The following BEND2 variants were observed in gnomAD, a reference collection of about 807,000 sequenced individuals.
BEND2 encodes BEN domain containing 2.
A neutral mutation model predicts 43.8 loss-of-function variants in BEND2; 19 were observed. The observed-to-expected ratio is 0.43, with a 90% confidence interval of 0.30 to 0.64. The LOEUF (loss-of-function observed/expected upper bound fraction) is 0.64. Ranked by LOEUF, BEND2 falls within the 30% of genes least tolerant of loss-of-function variation. The probability of loss-of-function intolerance (pLI) is 0.11; values close to 1 mark genes in which losing one functional copy is unlikely to be tolerated. For synonymous variants in BEND2, 226 were observed against 210.1 expected (o/e 1.08, Z -0.66); for missense variants, 544 against 574.0 (o/e 0.95, Z 0.53).
intron 13 of BEND2, among the ~76,000 whole-genome samples, chrX:18,167,222 A>G (rs192425627): frequency 1.8e-5 from 2 of 109,155 alleles, no homozygotes; most frequent in African/African-American, 3.3e-5. Flanking sequence ...TCAAGGCTGC[A>G]TTGAGCTGTG....
Position 18,213,787 on chromosome X carries a change from C to T in BEND2, c.363G>A (p.Thr121=), listed in dbSNP as rs45563640. ...AAAAATAAATACCTGGGCATGGTGG[C>T]GTGCGCCTGTCATCCCAGCTACTGG... ...SLPSSWDDRR[T]PPCPVAHGDQ... is the part of the protein sequence containing the mutation. The change falls in exon 3 of 14, where the codon ACG becomes ACA. Residue 121 remains threonine, a synonymous_variant. Coordinates refer to ENST00000380033, the MANE Select transcript of BEND2 (RefSeq NM_153346.5). 22,402 of 163,364 alleles carry T rather than the reference C, an allele frequency of 0.14. 1,339 individuals carry two copies. The highest frequency in any genetic ancestry group is 0.33 in the East Asian group (1,272 of 3,897). The allele number at this position is 163,364 out of a possible 1,213,427, so 13.5% of individuals were successfully genotyped here.
At chrX:18,216,072 C>T (rs916187774) in intron 2 of BEND2, among the ~76,000 whole-genome samples, 2 of 111,216 alleles carry the variant, frequency 1.8e-5, no homozygotes, top group Non-Finnish European at 3.8e-5. Context: ...TGTATATTAA[C>T]CTGTTTCCTG....
At chrX:18,198,441 C>A (rs1925031197) in intron 6 of BEND2, among the ~76,000 whole-genome samples, 1 of 110,334 alleles carries the variant, frequency 9.1e-6, no homozygotes, top group Non-Finnish European at 1.9e-5. Context: ...AGCCAACAGA[C>A]AACATGAAAA....
intron 1 of BEND2, among the ~76,000 whole-genome samples, chrX:18,217,446 T>G (rs757564796): frequency 1.8e-5 from 2 of 112,319 alleles, no homozygotes; most frequent in East Asian, 5.6e-4. Flanking sequence ...TCAAATAGAC[T>G]AATGCAGGAG....
chrX:18,207,502 A>G (rs752962367), intron 4 of BEND2, among the ~76,000 whole-genome samples: 12 of 111,897 alleles, frequency 1.1e-4, no homozygotes, highest in South Asian at 7.5e-4. Flanking sequence ...ATTTCCTTTA[A>G]GGATTATTTT....
rs1317624987 is a variant in BEND2 at position 18,164,078 on chromosome X, A to T, written c.*931T>A. On this transcript the variant is annotated 3_prime_UTR_variant, in exon 14 of 14. Transcript: ENST00000380033. ...CACTCTGTCACCCAGGCTCGAGTGCAGTGGCACAATCTCGGCTCACTGCAG... is the reference window on the plus strand; with the variant it reads ...CACTCTGTCACCCAGGCTCGAGTGCTGTGGCACAATCTCGGCTCACTGCAG... 9.0e-6 allele frequency: 1 copy of T among 110,655 alleles called. No homozygotes were observed. The highest frequency in any genetic ancestry group is 1.9e-5 in the Non-Finnish European group (1 of 52,920). The allele number at this position is 110,655 out of a possible 1,213,427, so 9.1% of individuals were successfully genotyped here.
intron 8 of BEND2, among the ~76,000 whole-genome samples, chrX:18,187,046 T>C (rs1460882407): frequency 9.4e-6 from 1 of 106,645 alleles, no homozygotes; most frequent in East Asian, 2.9e-4. Flanking sequence ...AAAATTACCT[T>C]CACTAAAAGG....
chrX:18,169,820 C>A (rs940463249), intron 13 of BEND2, among the ~76,000 whole-genome samples: 100 of 111,769 alleles, frequency 8.9e-4, no homozygotes, highest in African/African-American at 2.7e-3. Context: ...TTGTTTACTG[C>A]AAAAGACATC....
chrX:18,182,795 C>T (rs1381844015), intron 8 of BEND2, among the ~76,000 whole-genome samples: 1 of 111,205 alleles, frequency 9.0e-6, no homozygotes, highest in Non-Finnish European at 1.9e-5. Context: ...AATCCCAGCA[C>T]TTTGGGAGGC....
At chrX:18,182,900 G>A (rs1924435856) in intron 8 of BEND2, among the ~76,000 whole-genome samples, 1 of 109,800 alleles carries the variant, frequency 9.1e-6, no homozygotes, top group Non-Finnish European at 1.9e-5. Context: ...AAATTAGCCA[G>A]GCGTGGTAGT....
At position 18,220,788 on chromosome X, in the gene BEND2, T is replaced by C. The variant is rs956797587; in HGVS notation, c.-38A>G. On this transcript the variant is annotated 5_prime_UTR_variant, in exon 1 of 14. Transcript: ENST00000380033. ...GGGTCTGGCTCTGAGGCCCGAGACC[T>C]GAGGCCCGAGACCTGAGGCCTACGT... is the stretch of plus-strand genomic sequence containing the variant. The C allele has an allele frequency of 8.4e-7, 1 of 1,191,866 alleles. No individual in the cohort carries two copies.
intron 7 of BEND2, among the ~76,000 whole-genome samples, chrX:18,191,681 G>A (rs1426467754): frequency 1.8e-5 from 2 of 111,737 alleles, no homozygotes; most frequent in Non-Finnish European, 3.8e-5. Context: ...CCATGGAATA[G>A]CACTCAGCAA....
At chrX:18,184,715 C>A (rs1437248776) in intron 8 of BEND2, among the ~76,000 whole-genome samples, 2 of 111,158 alleles carry the variant, frequency 1.8e-5, no homozygotes, top group Non-Finnish European at 3.8e-5. Flanking sequence ...GCCCAGACAG[C>A]AAAGACAACA....
Position 18,163,819 on chromosome X carries a change from TGTG to T in BEND2, c.*1187_*1189del, listed in dbSNP as rs1468135671. 8.9e-6 allele frequency: 1 copy of T among 111,937 alleles called. No homozygotes were observed. Among genetic ancestry groups the T allele is most frequent in the Non-Finnish European group, 1.9e-5 (1 of 53,212 alleles). 9.2% of individuals were successfully genotyped at this position (111,937 alleles called of 1,213,427 possible). ...AACTGCATGTATTTATGGGGTATGA[TGTG>T]GTATTTTGATCTATGTTTATAATGT... On this transcript the variant is annotated 3_prime_UTR_variant, in exon 14 of 14. Transcript: ENST00000380033.
intron 8 of BEND2, among the ~76,000 whole-genome samples, chrX:18,190,133 A>G (rs754705722): frequency 8.9e-6 from 1 of 111,803 alleles, no homozygotes; most frequent in Non-Finnish European, 1.9e-5. Context: ...TGGGAATGTA[A>G]AATGGCACAG....
intron 8 of BEND2, among the ~76,000 whole-genome samples, chrX:18,187,826 C>A (rs1924624705): frequency 8.9e-6 from 1 of 111,837 alleles, no homozygotes; most frequent in South Asian, 3.7e-4. Context: ...AGCATCTTCT[C>A]TGACTACAAT....
At chrX:18,215,499 T>C (rs922736291) in intron 2 of BEND2, among the ~76,000 whole-genome samples, 4 of 112,461 alleles carry the variant, frequency 3.6e-5, no homozygotes, top group African/African-American at 1.3e-4. Context: ...TGTTCTTGTA[T>C]AGCTCATAAG....
chrX:18,166,635 C>T (rs958058828), intron 13 of BEND2, among the ~76,000 whole-genome samples: 2 of 111,334 alleles, frequency 1.8e-5, no homozygotes, highest in African/African-American at 3.3e-5. Flanking sequence ...AACTGACAGT[C>T]GGCCAGGCGC....
chrX:18,169,160 T>G (rs1451447513), intron 13 of BEND2, among the ~76,000 whole-genome samples: 1 of 107,542 alleles, frequency 9.3e-6, no homozygotes, highest in Non-Finnish European at 1.9e-5. Flanking sequence ...AAAGAAAAAA[T>G]AAAATAAAAT....
Sources: allele counts gnomAD v4.1 joint callset (sites outside exome capture counted in the v4.1 genomes callset), GRCh38; gene constraint gnomAD v4.1.1; transcripts MANE v1.5; gene names NCBI Gene and HGNC (gene_info 2026-07-23, HGNC 2026-07-21).